DMD: variants seen among roughly 807,000 people sequenced by gnomAD.
The protein encoded by DMD is dystrophin, also known as mutant dystrophin.
DMD carries 63 observed loss-of-function variants against 330.1 expected under a neutral mutation model. The observed-to-expected ratio is 0.19, with a 90% confidence interval of 0.16 to 0.24. The LOEUF is 0.24. DMD is among the 10% of genes least tolerant of loss of function. DMD has a pLI of 1.00. For synonymous variants in DMD, 1,223 were observed against 959.8 expected (o/e 1.27, Z -5.07); for missense variants, 3,344 against 2,684.1 (o/e 1.25, Z -5.43).
intron 12 of DMD, among the ~76,000 whole-genome samples, chrX:32,609,625 C>T (rs769621059): frequency 9.0e-6 from 1 of 111,361 alleles, no homozygotes; most frequent in African/African-American, 3.2e-5. Context: ...ACATCTAGAT[C>T]ATTTTAAAGG....
At chrX:32,796,956 T>G (rs1021337627) in intron 7 of DMD, among the ~76,000 whole-genome samples, 5 of 112,260 alleles carry the variant, frequency 4.5e-5, no homozygotes, top group Non-Finnish European at 7.5e-5. Context: ...AAATAGTATA[T>G]TTTCATCTTA....
chrX:32,553,249 T>C (rs754094052), intron 16 of DMD, among the ~76,000 whole-genome samples: 73 of 110,973 alleles, frequency 6.6e-4, no homozygotes, highest in Non-Finnish European at 1.2e-3. Flanking sequence ...AAAAAAGAGA[T>C]TGTGTTCTTT....
At chrX:32,007,515 G>A (rs941067256) in intron 44 of DMD, among the ~76,000 whole-genome samples, 5 of 111,055 alleles carry the variant, frequency 4.5e-5, no homozygotes, top group African/African-American at 1.3e-4. Context: ...GGAAACAATT[G>A]CAGGGAGTAT....
chrX:33,257,623 T>C (rs2052880437), intron 1 of DMD, among the ~76,000 whole-genome samples: 1 of 111,266 alleles, frequency 9.0e-6, no homozygotes, highest in South Asian at 3.7e-4. Context: ...CTCCATCCAT[T>C]AGTAATCACG....
chrX:32,639,124 G>A (rs1325963592), intron 11 of DMD, among the ~76,000 whole-genome samples: 5 of 111,666 alleles, frequency 4.5e-5, no homozygotes, highest in Admixed American at 1.9e-4. Flanking sequence ...CTGCCTGCAT[G>A]TCCTAACTAC....
chrX:31,669,884 T>C (rs1603443719), intron 53 of DMD, among the ~76,000 whole-genome samples: 2 of 109,140 alleles, frequency 1.8e-5, no homozygotes. Flanking sequence ...AATGATTCCA[T>C]AGAGTCTGTA....
intron 7 of DMD, among the ~76,000 whole-genome samples, chrX:32,762,294 T>G (rs2072426020): frequency 9.0e-6 from 1 of 111,015 alleles, no homozygotes; most frequent in South Asian, 3.9e-4. Flanking sequence ...TATTAACAAA[T>G]AAGATGGCAT....
At chrX:31,896,280 T>A (rs2094330895) in intron 47 of DMD, among the ~76,000 whole-genome samples, 1 of 111,909 alleles carries the variant, frequency 8.9e-6, no homozygotes, top group South Asian at 3.7e-4. Flanking sequence ...CTATCAATGA[T>A]AGAAGTCAAA....
intron 55 of DMD, among the ~76,000 whole-genome samples, chrX:31,608,119 T>G (rs777505043): frequency 1.8e-5 from 2 of 112,207 alleles, no homozygotes; most frequent in African/African-American, 6.5e-5. Flanking sequence ...TTAACAGAGC[T>G]ATGATTCCAT....
chrX:32,670,854 G>A (rs1180733639), intron 9 of DMD, among the ~76,000 whole-genome samples: 1 of 111,603 alleles, frequency 9.0e-6, no homozygotes, highest in Non-Finnish European at 1.9e-5. Context: ...AGTGAACACT[G>A]TACTAATTTG....
chrX:32,188,031 C>A (rs184351572), intron 44 of DMD, among the ~76,000 whole-genome samples: 108 of 110,887 alleles, frequency 9.7e-4, no homozygotes, highest in African/African-American at 3.4e-3. Flanking sequence ...ACAAATAGTT[C>A]TGCCAAAAGA....
intron 51 of DMD, among the ~76,000 whole-genome samples, chrX:31,767,420 G>A (rs1603462417): frequency 9.0e-6 from 1 of 111,401 alleles, no homozygotes; most frequent in Admixed American, 9.6e-5. Flanking sequence ...GAAGTTGAGG[G>A]GGGTGGCTGA....
At position 32,236,211 on chromosome X, in the gene DMD, A is replaced by G. The variant is rs144817535; in HGVS notation, c.6291-19148T>C. On this transcript the variant is annotated intron_variant, in intron 43 of 78. Coordinates refer to ENST00000357033, the MANE Select transcript of DMD (RefSeq NM_004006.3). Reference sequence around the variant, plus strand: ...AGTCTATTTTAAAGGAATGCCAATTAGACTGACAACTTACCGTTCAACAGA... The same window carrying G: ...AGTCTATTTTAAAGGAATGCCAATTGGACTGACAACTTACCGTTCAACAGA... 8.2e-3 allele frequency among the ~76,000 whole-genome samples: 922 copies of G among 111,920 alleles called. 10 individuals carry two copies. Among genetic ancestry groups the G allele is most frequent in the African/African-American group, 0.029 (886 of 30,836 alleles).
intron 2 of DMD, among the ~76,000 whole-genome samples, chrX:32,854,078 C>T (rs2081355880): frequency 9.0e-6 from 1 of 111,480 alleles, no homozygotes; most frequent in Non-Finnish European, 1.9e-5. Context: ...TATAAAGCAA[C>T]ATTATTAGAC....
chrX:33,041,287 C>G, intron 1 of DMD: 4 of 801,919 alleles, frequency 5.0e-6, no homozygotes, highest in Non-Finnish European at 7.3e-6. Context: ...GCCGCGCAGC[C>G]TGCGCATGCG....
At chrX:31,881,843 A>G (rs2094074357) in intron 47 of DMD, among the ~76,000 whole-genome samples, 2 of 111,975 alleles carry the variant, frequency 1.8e-5, no homozygotes, top group African/African-American at 6.5e-5. Context: ...TTTTCAGAAC[A>G]TATCTCATTT....
At chrX:32,152,663 G>T in intron 44 of DMD, among the ~76,000 whole-genome samples, 1 of 111,542 alleles carries the variant, frequency 9.0e-6, no homozygotes, top group East Asian at 2.8e-4. Flanking sequence ...TTAAACATTT[G>T]TTTTAAGATC....
chrX:31,174,554 GTC>G (rs2040325992), intron 71 of DMD, among the ~76,000 whole-genome samples: 1 of 111,037 alleles, frequency 9.0e-6, no homozygotes, highest in African/African-American at 3.3e-5. Flanking sequence ...AGCACAAAAG[GTC>G]TCTTCCATTT....
At chrX:31,508,371 C>T (rs967509872) in intron 55 of DMD, 1 of 654,194 alleles carries the variant, frequency 1.5e-6, no homozygotes, top group African/African-American at 2.3e-5. Context: ...TTTTGGAGCA[C>T]AGGCCTCACC....
Sources: allele counts gnomAD v4.1 joint callset (sites outside exome capture counted in the v4.1 genomes callset), GRCh38; gene constraint gnomAD v4.1.1; transcripts MANE v1.5; gene names NCBI Gene and HGNC (gene_info 2026-07-23, HGNC 2026-07-21).